CC2D2A: variants seen among roughly 807,000 people sequenced by gnomAD.
CC2D2A encodes coiled-coil and C2 domain containing 2A.
CC2D2A carries 155 observed loss-of-function variants against 212.9 expected under a neutral mutation model. The observed-to-expected ratio is 0.73, with a 90% CI of 0.64 to 0.83. CC2D2A has a LOEUF of 0.83. Among genes scored for constraint, CC2D2A ranks in the 40% least tolerant of loss-of-function variants. The probability of loss-of-function intolerance (pLI) is 0.00; values close to 1 mark genes in which losing one functional copy is unlikely to be tolerated. For synonymous variants in CC2D2A, 667 were observed against 686.5 expected (o/e 0.97, Z 0.44); for missense variants, 1,856 against 1,956.2 (o/e 0.95, Z 0.97).
In CC2D2A at chr4:15,505,878, CA is replaced by C. The variant is rs1302467759; in HGVS notation, c.438+2957del. ...CATATATAAAAATTTGAGGGGTCTA[CA>C]AGACAATCAGATTAGGGTGTCTTTT... On this transcript the variant is annotated intron_variant, in intron 6 of 36. Coordinates refer to ENST00000424120, the MANE Select transcript of CC2D2A (RefSeq NM_001378615.1). Among the ~76,000 whole-genome samples the C allele has an allele frequency of 2.0e-5, 3 of 152,230 alleles. No homozygotes were observed. The East Asian group carries it at 5.8e-4, about 29-fold the overall frequency.
At position 15,541,033 on chromosome 4, in the gene CC2D2A, G is replaced by C; in HGVS notation, c.2181+19G>C. The C allele has an allele frequency of 6.6e-7, 1 of 1,512,810 alleles. No homozygotes were observed. Among genetic ancestry groups the C allele is most frequent in the South Asian group, 1.3e-5 (1 of 77,262 alleles). The allele number at this position is 1,512,810 out of a possible 1,614,324, so 93.7% of individuals were successfully genotyped here. ...ACTTCAGGTACACATTTTAATTATA[G>C]TTACTGGCCGGGCACTGTGGCTCAT... On this transcript the variant is annotated intron_variant, in intron 17 of 36. Coordinates refer to ENST00000424120, the MANE Select transcript of CC2D2A (RefSeq NM_001378615.1).
At chr4:15,596,904 C>T (rs181392365) in intron 34 of CC2D2A, among the ~76,000 whole-genome samples, 76 of 152,206 alleles carry the variant, frequency 5.0e-4, no homozygotes, top group South Asian at 1.7e-3. Context: ...TCTTAGTAAG[C>T]CCTCTAAAAA....
chr4:15,597,501 C>T (rs1297304402), intron 35 of CC2D2A, 36 bp downstream of exon 35: 10 of 1,493,972 alleles, frequency 6.7e-6, no homozygotes, highest in Non-Finnish European at 9.1e-6. Flanking sequence ...TGTAATCTGT[C>T]ACTAGGAGTA....
intron 32 of CC2D2A, 109 bp downstream of exon 32, chr4:15,588,038 G>A (rs1272609121): frequency 5.0e-6 from 3 of 599,532 alleles, no homozygotes; most frequent in East Asian, 2.9e-5. Context: ...TGGGTTGCTA[G>A]GAAAGTGGCC....
chr4:15,546,387 T>C (rs540457247), intron 17 of CC2D2A, among the ~76,000 whole-genome samples: 3 of 152,354 alleles, frequency 2.0e-5, no homozygotes, highest in African/African-American at 7.2e-5. Context: ...GGGTGCCTTT[T>C]AAATTTTTTA....
chr4:15,550,098 G>T (rs1457677823), intron 17 of CC2D2A, among the ~76,000 whole-genome samples: 1 of 152,218 alleles, frequency 6.6e-6, no homozygotes, highest in African/African-American at 2.4e-5. Context: ...AGTGTGCCAA[G>T]AATACAGGGG....
At chr4:15,510,038 A>G in intron 6 of CC2D2A, 101 bp from the exon 7 acceptor site, 1 of 839,874 alleles carries the variant, frequency 1.2e-6, no homozygotes, top group Non-Finnish European at 1.9e-6. Context: ...AGCAGCAGTC[A>G]GAAGATAAGC....
intron 26 of CC2D2A, 131 bp downstream of exon 26, chr4:15,567,917 C>A: frequency 1.6e-6 from 1 of 619,326 alleles, no homozygotes; most frequent in South Asian, 2.2e-5. Context: ...GGTGTCCTGA[C>A]GCCAAGTCCC....
chr4:15,470,701 A>C (rs62289311), intron 1 of CC2D2A, among the ~76,000 whole-genome samples: 2,925 of 39,262 alleles, frequency 0.074, 47 homozygotes, highest in African/African-American at 0.17. Context: ...ATATATATAT[A>C]TATATATATA....
intron 11 of CC2D2A, among the ~76,000 whole-genome samples, chr4:15,522,380 A>G (rs1411239260): frequency 6.6e-6 from 1 of 152,152 alleles, no homozygotes; most frequent in Non-Finnish European, 1.5e-5. Flanking sequence ...CGTTTGAGTC[A>G]AGCCCAGTTG....
intron 24 of CC2D2A, among the ~76,000 whole-genome samples, chr4:15,565,093 T>A (rs1719821751): frequency 6.6e-6 from 1 of 152,252 alleles, no homozygotes; most frequent in Non-Finnish European, 1.5e-5. Flanking sequence ...AATGTCCATA[T>A]AAGCTCTTGA....
At position 15,538,111 on chromosome 4, in the gene CC2D2A, C is replaced by T. The variant is rs2109035405; in HGVS notation, c.1977C>T (p.Ser659=). 10 of 1,595,612 alleles carry T rather than the reference C, an allele frequency of 6.3e-6. No homozygotes were observed. Among genetic ancestry groups the T allele is most frequent in the Non-Finnish European group, 8.5e-6 (10 of 1,170,274 alleles). The part of the protein sequence containing the change: ...TLVPELSLAG[S]VTPNDQCPRA... ...TCCCGGAGCTAAGCCTGGCAGGAAG[C>T]GTAACACCCAATGACCAGTGCCCCA... The change falls in exon 16 of 37, where the codon AGC becomes AGT. Residue 659 remains serine (S), a synonymous_variant. Coordinates refer to ENST00000424120, the MANE Select transcript of CC2D2A (RefSeq NM_001378615.1).
chr4:15,537,860 A>G (rs1385008424), intron 15 of CC2D2A, 39 bp from the exon 16 acceptor site: 1 of 1,552,564 alleles, frequency 6.4e-7, no homozygotes, highest in Non-Finnish European at 8.7e-7. Context: ...TGAAATTCCA[A>G]AATTCCTGTT....
intron 17 of CC2D2A, among the ~76,000 whole-genome samples, chr4:15,545,752 A>G (rs561946277): frequency 1.3e-5 from 2 of 152,186 alleles, no homozygotes; most frequent in African/African-American, 4.8e-5. Flanking sequence ...GTAAGATTGG[A>G]GCCAGAATTG....
chr4:15,536,875 A>G lies in CC2D2A; in HGVS notation c.1608-45A>G. 1.9e-6 allele frequency: 3 copies of G among 1,578,422 alleles called. No homozygotes were observed. In the South Asian group the frequency reaches 3.4e-5, roughly 18 times the overall value. ...TATTTGCTGTTATTATTGCTCTCTT[A>G]CTTAATTTCCAGAAATAACCAAGGG... On this transcript the variant is annotated intron_variant, in intron 14 of 36. Coordinates refer to ENST00000424120, the MANE Select transcript of CC2D2A (RefSeq NM_001378615.1).
intron 6 of CC2D2A, among the ~76,000 whole-genome samples, chr4:15,507,822 T>C (rs1314651186): frequency 6.6e-6 from 1 of 152,230 alleles, no homozygotes; most frequent in Non-Finnish European, 1.5e-5. Flanking sequence ...GGTTTTTGAC[T>C]AAAGTCTGTC....
At chr4:15,535,002 A>G (rs1718050092) in intron 14 of CC2D2A, among the ~76,000 whole-genome samples, 2 of 151,074 alleles carry the variant, frequency 1.3e-5, no homozygotes, top group Non-Finnish European at 2.9e-5. Context: ...TAATTATAAA[A>G]TTGAAAAAAA....
Position 15,559,206 on chromosome 4 carries a change from C to A in CC2D2A, c.2871C>A (p.Thr957=). The A allele has an allele frequency of 6.4e-7, 1 of 1,553,004 alleles. No homozygotes were observed. The highest frequency in any genetic ancestry group is 8.7e-7 in the Non-Finnish European group (1 of 1,148,240). ...TACGAGACAGAAATGTAATAGAAACCAAGGAACACATAGACACCCATAGGG... is the reference window on the plus strand; with the variant it reads ...TACGAGACAGAAATGTAATAGAAACAAAGGAACACATAGACACCCATAGGG... The part of the protein sequence containing the change: ...KRLRDRNVIE[T]KEHIDTHRAI... Residue 957 remains threonine (T), a synonymous_variant, in exon 22 of 37, where the codon ACC becomes ACA. Coordinates refer to ENST00000424120, the MANE Select transcript of CC2D2A (RefSeq NM_001378615.1).
rs2109058103 is a variant in CC2D2A, at chr4:15,557,366, G to A, written c.2688G>A (p.Glu896=). The A allele has an allele frequency of 6.2e-7, 1 of 1,613,664 alleles. No homozygotes were observed. The highest frequency in any genetic ancestry group is 1.7e-5 in the Admixed American group (1 of 60,012). Residue 896 remains glutamate, a synonymous_variant, in exon 21 of 37, where the codon GAG becomes GAA. Transcript: ENST00000424120. ...TTAGACTGGAGCAGCTGCAACAGGA[G>A]TTTAACTTTGTTTCAGATCAAGAAT... The part of the protein sequence containing the change: ...DFFRLEQLQQ[E]FNFVSDQELN...
Sources: gnomAD v4.1 joint callset for allele counts (sites outside exome capture counted in the v4.1 genomes callset) on GRCh38, gnomAD v4.1.1 for gene constraint, MANE v1.5 for transcripts, NCBI Gene and HGNC (gene_info 2026-07-23, HGNC 2026-07-21) for gene names.